Variants in GMDS observed in about 807,000 individuals in gnomAD.
The protein encoded by GMDS is GDP-mannose 4,6 dehydratase.
GMDS carries 20 observed loss-of-function variants against 49.9 expected under a neutral mutation model. The observed-to-expected ratio is 0.40, with a 90% confidence interval of 0.28 to 0.58. The LOEUF (loss-of-function observed/expected upper bound fraction) is 0.58. Among genes scored for constraint, GMDS ranks in the 20% least tolerant of loss-of-function variants. The pLI, the probability that GMDS is intolerant of heterozygous loss-of-function variation, is 0.42. For synonymous variants in GMDS, 177 were observed against 178.6 expected (o/e 0.99, Z 0.07); for missense variants, 362 against 481.4 (o/e 0.75, Z 2.32).
intron 6 of GMDS, among the ~76,000 whole-genome samples, chr6:1,957,058 C>T (rs1442349088): frequency 6.6e-6 from 1 of 152,134 alleles, no homozygotes; most frequent in Admixed American, 6.5e-5. Flanking sequence ...CTGCCTCGGC[C>T]TCCCAAAGTG....
rs146383968 is a variant in GMDS, at chr6:2,156,880, T to G, written c.103-32149A>C. Among the ~76,000 whole-genome samples the G allele has an allele frequency of 6.5e-3, 995 of 152,318 alleles. 12 individuals carry two copies. Among genetic ancestry groups the G allele is most frequent in the African/African-American group, 0.023 (953 of 41,576 alleles). Reference sequence around the variant, plus strand: ...AGAAGAAAGGAAAAAGGTCTCAGGATTTTAAGAAAGCCAAATGCCACAGTT... The same window carrying G: ...AGAAGAAAGGAAAAAGGTCTCAGGAGTTTAAGAAAGCCAAATGCCACAGTT... On this transcript the variant is annotated intron_variant, in intron 1 of 10. Coordinates refer to ENST00000380815, the MANE Select transcript of GMDS (RefSeq NM_001500.4).
chr6:1,640,590 G>T lies in GMDS; in HGVS notation c.988-16050C>A, dbSNP rs1277236731. 6.6e-6 allele frequency among the ~76,000 whole-genome samples: 1 copy of T among 152,166 alleles called. No individual in the cohort carries two copies. Among genetic ancestry groups the T allele is most frequent in the Non-Finnish European group, 1.5e-5 (1 of 68,044 alleles). On this transcript the variant is annotated intron_variant, in intron 9 of 10. Transcript: ENST00000380815. The surrounding 1 kb of genome is among the most constrained non-coding windows in gnomAD (Gnocchi z 4.0). Reference sequence around the variant, plus strand: ...GCCTTCTAGGTGCCCGTTTTGGAGAGAATACATTTCTTATAAACAGCAGGG... The same window carrying T: ...GCCTTCTAGGTGCCCGTTTTGGAGATAATACATTTCTTATAAACAGCAGGG...
At chr6:1,924,334 G>A (rs1761884825) in intron 7 of GMDS, among the ~76,000 whole-genome samples, 1 of 152,142 alleles carries the variant, frequency 6.6e-6, no homozygotes, top group East Asian at 1.9e-4. Context: ...CGATCCTCAC[G>A]TCCTCTGGGT....
chr6:1,999,041 A>G (rs1347184730), intron 4 of GMDS, among the ~76,000 whole-genome samples: 1 of 152,108 alleles, frequency 6.6e-6, no homozygotes, highest in Non-Finnish European at 1.5e-5. Context: ...TGCAGATAAT[A>G]GGCCAGGTGC....
intron 4 of GMDS, among the ~76,000 whole-genome samples, chr6:2,024,835 C>A: frequency 6.6e-6 from 1 of 151,302 alleles, no homozygotes; most frequent in African/African-American, 2.4e-5. Context: ...AAAAAAAATA[C>A]CTAATTATCA....
chr6:2,116,669 T>C (rs1774868512), intron 3 of GMDS, among the ~76,000 whole-genome samples: 1 of 152,200 alleles, frequency 6.6e-6, no homozygotes, highest in Non-Finnish European at 1.5e-5. Context: ...AACCTTCAAA[T>C]ATGCAGGGGT....
At chr6:1,663,546 CG>C (rs543934983) in intron 9 of GMDS, among the ~76,000 whole-genome samples, 2 of 152,292 alleles carry the variant, frequency 1.3e-5, no homozygotes, top group African/African-American at 2.4e-5. Context: ...TGCAAGTACA[CG>C]GCGGCCCTCC....
chr6:2,060,572 A>C (rs1283896367), intron 4 of GMDS, among the ~76,000 whole-genome samples: 2 of 152,202 alleles, frequency 1.3e-5, no homozygotes, highest in Non-Finnish European at 2.9e-5. Context: ...TGGACCTCTT[A>C]TACTTTAGTG....
chr6:1,893,151 T>C (rs1759960191), intron 7 of GMDS, among the ~76,000 whole-genome samples: 2 of 151,770 alleles, frequency 1.3e-5, no homozygotes, highest in East Asian at 1.9e-4. Flanking sequence ...GGAAGGAGCA[T>C]GAGCAGAGAA....
intron 9 of GMDS, among the ~76,000 whole-genome samples, chr6:1,722,484 TA>T (rs79111362): frequency 0.2 from 30,564 of 152,022 alleles, 3,679 homozygotes; most frequent in East Asian, 0.37. Flanking sequence ...CAGTGTTTGA[TA>T]AATACTTAGT....
At chr6:1,678,672 C>G (rs1359840620) in intron 9 of GMDS, among the ~76,000 whole-genome samples, 3 of 151,726 alleles carry the variant, frequency 2.0e-5, no homozygotes, top group African/African-American at 7.3e-5. Context: ...GACAGGATGC[C>G]GGGAAGAATA....
At chr6:1,656,433 T>G (rs565569189) in intron 9 of GMDS, among the ~76,000 whole-genome samples, 1 of 152,248 alleles carries the variant, frequency 6.6e-6, no homozygotes, top group East Asian at 1.9e-4. Context: ...CATGTAGGAT[T>G]GATATGATTG....
intron 4 of GMDS, among the ~76,000 whole-genome samples, chr6:2,018,040 T>C (rs1768018325): frequency 6.6e-6 from 1 of 152,192 alleles, no homozygotes; most frequent in African/African-American, 2.4e-5. Context: ...CTGCCATCCA[T>C]AGTCTTCCTC....
chr6:1,827,198 A>G (rs1218103222), intron 7 of GMDS, among the ~76,000 whole-genome samples: 4 of 151,178 alleles, frequency 2.6e-5, no homozygotes, highest in Non-Finnish European at 5.9e-5. Flanking sequence ...ACATATATGT[A>G]TCCTGGATAC....
intron 4 of GMDS, among the ~76,000 whole-genome samples, chr6:1,999,980 A>ATATTATATATATC (rs1189385904): frequency 5.3e-5 from 1 of 18,716 alleles, no homozygotes; most frequent in Non-Finnish European, 9.9e-5. Flanking sequence ...TTATATATAT[A>ATATTATATATATC]TTTTATATAT....
At chr6:2,129,427 C>G (rs1775615484) in intron 1 of GMDS, among the ~76,000 whole-genome samples, 1 of 152,124 alleles carries the variant, frequency 6.6e-6, no homozygotes, top group Non-Finnish European at 1.5e-5. Flanking sequence ...AGAACCTGGC[C>G]CCTCTGAACT....
intron 7 of GMDS, among the ~76,000 whole-genome samples, chr6:1,865,006 G>A (rs966089046): frequency 2.6e-5 from 4 of 152,164 alleles, no homozygotes; most frequent in Admixed American, 6.6e-5. Context: ...AAACAAGAAA[G>A]GATGTTTACA....
intron 4 of GMDS, among the ~76,000 whole-genome samples, chr6:1,979,043 C>T (rs1039531785): frequency 6.6e-6 from 1 of 152,136 alleles, no homozygotes; most frequent in Non-Finnish European, 1.5e-5. Flanking sequence ...ACAAGAACTC[C>T]ATCCAAAGGT....
intron 1 of GMDS, among the ~76,000 whole-genome samples, chr6:2,233,824 C>T (rs886256282): frequency 6.6e-6 from 1 of 152,010 alleles, no homozygotes; most frequent in African/African-American, 2.4e-5. Context: ...GACTCCATCT[C>T]GAAAAACAAA....
Sources: gnomAD v4.1 joint callset for allele counts (sites outside exome capture counted in the v4.1 genomes callset) on GRCh38, gnomAD v4.1.1 for gene constraint, Gnocchi (gnomAD v3.1) non-coding constraint, MANE v1.5 for transcripts, NCBI Gene and HGNC (gene_info 2026-07-23, HGNC 2026-07-21) for gene names.